PCSK2: variants seen among roughly 807,000 people sequenced by gnomAD.
PCSK2 encodes the protein proprotein convertase subtilisin/kexin type 2, also known as neuroendocrine convertase 2.
PCSK2 carries 14 observed loss-of-function variants against 69.7 expected under a neutral mutation model. That is an observed-to-expected ratio of 0.20 (90% CI 0.13 to 0.31). PCSK2 has a LOEUF of 0.31. Ranked by LOEUF, PCSK2 falls within the 10% of genes least tolerant of loss-of-function variation. The probability of loss-of-function intolerance (pLI) is 1.00; values close to 1 mark genes in which losing one functional copy is unlikely to be tolerated. For synonymous variants in PCSK2, 307 were observed against 320.7 expected, an observed-to-expected ratio of 0.96 and a Z score of 0.46; for missense variants, 544 against 842.5, an observed-to-expected ratio of 0.65 and a Z score of 4.39.
At chr20:17,262,570 G>T (rs183658937) in intron 2 of PCSK2, among the ~76,000 whole-genome samples, 1 of 152,128 alleles carries the variant, frequency 6.6e-6, no homozygotes, top group African/African-American at 2.4e-5. Flanking sequence ...TTTGGCATCT[G>T]CTGATAGAAA....
chr20:17,346,965 G>A (rs188543054), intron 2 of PCSK2, among the ~76,000 whole-genome samples: 5 of 151,944 alleles, frequency 3.3e-5, no homozygotes, highest in South Asian at 2.1e-4. Flanking sequence ...TTTATCTCAC[G>A]GTATACCTTG....
rs539919751 is a variant in PCSK2 at position 17,275,488 on chromosome 20, T to C, written c.282+15144T>C. ...ATGGGGTTACTCTGGCAATCAAATA[T>C]GATAGAAAGAAAGGTTCGAAAACTG... On this transcript the variant is annotated intron_variant, in intron 2 of 11. Transcript: ENST00000262545. Among the ~76,000 whole-genome samples, 33 of 152,236 alleles carry C rather than the reference T, an allele frequency of 2.2e-4. No homozygotes were observed. The East Asian group carries it at 6.0e-3, about 28-fold the overall frequency.
chr20:17,238,724 T>G (rs1248838276), intron 1 of PCSK2, among the ~76,000 whole-genome samples: 2 of 152,190 alleles, frequency 1.3e-5, no homozygotes, highest in East Asian at 3.9e-4. Context: ...TGTGCTTTTT[T>G]GGTTTGTTTT....
chr20:17,363,163 C>A (rs929476449), intron 4 of PCSK2, among the ~76,000 whole-genome samples: 4 of 152,208 alleles, frequency 2.6e-5, no homozygotes, highest in African/African-American at 9.6e-5. Context: ...GCCTGTGTGG[C>A]AAATGTTCAA....
chr20:17,373,861 G>A lies in PCSK2; in HGVS notation c.543+4584G>A, dbSNP rs951027408. On this transcript the variant is annotated intron_variant, in intron 5 of 11. Transcript: ENST00000262545. Reference sequence around the variant, plus strand: ...TAATCTAATTCAAAAAATCCACACTGAGCCTGCTGAGTGTTGGGAGTAAAG... The same window carrying A: ...TAATCTAATTCAAAAAATCCACACTAAGCCTGCTGAGTGTTGGGAGTAAAG... 3.9e-5 allele frequency among the ~76,000 whole-genome samples: 6 copies of A among 152,306 alleles called. 1 individual carries two copies. Among genetic ancestry groups the A allele is most frequent in the African/African-American group, 1.2e-4 (5 of 41,574 alleles).
chr20:17,295,207 G>A (rs62202213), intron 2 of PCSK2, among the ~76,000 whole-genome samples: 7,798 of 143,506 alleles, frequency 0.054, 312 homozygotes, highest in East Asian at 0.12. Context: ...GCATTTATAC[G>A]CAGTTAACAC....
In PCSK2 at chr20:17,401,598, A is replaced by G. The variant is rs146247993; in HGVS notation, c.544-7665A>G. On this transcript the variant is annotated intron_variant, in intron 5 of 11. Coordinates refer to ENST00000262545, the MANE Select transcript of PCSK2 (RefSeq NM_002594.5). ...ATGCTATTATATGGAAGCAGTTATC[A>G]AAAGATTGAAATTACACATCTGTGA... Among the ~76,000 whole-genome samples, 385 of 152,344 alleles carry G rather than the reference A, an allele frequency of 2.5e-3. 4 individuals carry two copies. The highest frequency in any genetic ancestry group is 8.7e-3 in the African/African-American group (362 of 41,574).
At chr20:17,450,892 T>C (rs999372833) in intron 8 of PCSK2, among the ~76,000 whole-genome samples, 2 of 152,100 alleles carry the variant, frequency 1.3e-5, no homozygotes, top group East Asian at 3.9e-4. Flanking sequence ...GGGGGGGACA[T>C]ATAAGTTCAA....
intron 1 of PCSK2, among the ~76,000 whole-genome samples, chr20:17,245,990 C>T (rs891192947): frequency 6.6e-5 from 10 of 152,162 alleles, no homozygotes; most frequent in Admixed American, 3.9e-4. Context: ...TAGTCATCCA[C>T]ACTGAATAGC....
intron 6 of PCSK2, among the ~76,000 whole-genome samples, chr20:17,413,917 T>A (rs2031936677): frequency 6.6e-6 from 1 of 152,172 alleles, no homozygotes; most frequent in Admixed American, 6.5e-5. Flanking sequence ...CTGAACAACC[T>A]GCTCCTGAAT....
intron 2 of PCSK2, among the ~76,000 whole-genome samples, chr20:17,356,043 CAT>C (rs1255460327): frequency 2.6e-5 from 4 of 152,098 alleles, no homozygotes; most frequent in African/African-American, 7.2e-5. Context: ...AGAGGATATA[CAT>C]GTGTGTGTGC....
At chr20:17,426,008 C>G (rs190990897) in intron 6 of PCSK2, among the ~76,000 whole-genome samples, 27 of 152,172 alleles carry the variant, frequency 1.8e-4, no homozygotes, top group Admixed American at 1.6e-3. Context: ...TTTCTGCCAC[C>G]AACAAAAACC....
intron 4 of PCSK2, among the ~76,000 whole-genome samples, chr20:17,364,783 A>G (rs1408119300): frequency 6.6e-6 from 1 of 152,154 alleles, no homozygotes; most frequent in African/African-American, 2.4e-5. Flanking sequence ...GGCACTGCTC[A>G]CTCAGTGTTG....
chr20:17,388,189 A>G (rs1369000904), intron 5 of PCSK2, among the ~76,000 whole-genome samples: 1 of 152,082 alleles, frequency 6.6e-6, no homozygotes, highest in Non-Finnish European at 1.5e-5. Flanking sequence ...AGAAGTAGAA[A>G]GAGAACCGAC....
At chr20:17,269,980 G>T (rs1489683287) in intron 2 of PCSK2, among the ~76,000 whole-genome samples, 2 of 152,058 alleles carry the variant, frequency 1.3e-5, no homozygotes, top group Non-Finnish European at 2.9e-5. Flanking sequence ...AGAATTTCCT[G>T]TTAAGATTCA....
At chr20:17,344,181 C>T (rs933597551) in intron 2 of PCSK2, among the ~76,000 whole-genome samples, 1 of 152,174 alleles carries the variant, frequency 6.6e-6, no homozygotes. Context: ...GTGCTCTGTG[C>T]GTAAGTAGAA....
At chr20:17,462,805 G>C (rs1257925458) in intron 10 of PCSK2, among the ~76,000 whole-genome samples, 1 of 152,168 alleles carries the variant, frequency 6.6e-6, no homozygotes, top group African/African-American at 2.4e-5. Context: ...TTGTCCTACA[G>C]TCTCCAAAAC....
At chr20:17,478,149 A>C (rs2123422259) in intron 11 of PCSK2, among the ~76,000 whole-genome samples, 1 of 152,346 alleles carries the variant, frequency 6.6e-6, no homozygotes, top group Middle Eastern at 3.4e-3. Flanking sequence ...TCTGTCAGAA[A>C]GCAGTTAAGT....
chr20:17,375,434 G>A (rs1256120347), intron 5 of PCSK2, among the ~76,000 whole-genome samples: 4 of 152,162 alleles, frequency 2.6e-5, no homozygotes, highest in Non-Finnish European at 5.9e-5. Context: ...CCCATTGCTC[G>A]TGGCCAGGGA....
Sources: allele counts gnomAD v4.1 joint callset (sites outside exome capture counted in the v4.1 genomes callset), GRCh38; gene constraint gnomAD v4.1.1; transcripts MANE v1.5; gene names NCBI Gene and HGNC (gene_info 2026-07-23, HGNC 2026-07-21).